Variants in HS3ST4 observed in about 807,000 individuals in gnomAD.
HS3ST4 encodes the protein heparan sulfate glucosamine 3-O-sulfotransferase 4.
In HS3ST4, 17 loss-of-function variants were observed where a neutral mutation model predicts 29.2. That is an observed-to-expected ratio of 0.58 (90% confidence interval 0.40 to 0.87). The LOEUF (loss-of-function observed/expected upper bound fraction) is 0.87, where lower values mean the gene tolerates loss of function less well. Ranked by LOEUF, HS3ST4 falls within the 40% of genes least tolerant of loss-of-function variation. The pLI is 0.00. For missense variants in HS3ST4, 627 were observed against 634.5 expected, an observed-to-expected ratio of 0.99 and a Z score of 0.13; for synonymous variants, 314 against 285.7, an observed-to-expected ratio of 1.10 and a Z score of -1.00.
chr16:25,915,148 G>A (rs1441236717), intron 1 of HS3ST4, among the ~76,000 whole-genome samples: 5 of 152,120 alleles, frequency 3.3e-5, no homozygotes, highest in African/African-American at 1.2e-4. Context: ...ATTGCTGGCA[G>A]TGGAGGACCA....
chr16:25,833,892 G>A (rs2141641028), intron 1 of HS3ST4, among the ~76,000 whole-genome samples: 1 of 152,316 alleles, frequency 6.6e-6, no homozygotes, highest in African/African-American at 2.4e-5. Flanking sequence ...GGATAAGAAT[G>A]TTGTAGGAGA....
At chr16:26,082,208 C>A (rs1898732634) in intron 1 of HS3ST4, among the ~76,000 whole-genome samples, 1 of 152,156 alleles carries the variant, frequency 6.6e-6, no homozygotes, top group South Asian at 2.1e-4. Flanking sequence ...TGTCAATCAC[C>A]TTTACGTTCC....
At chr16:26,117,959 A>G (rs2141807814) in intron 1 of HS3ST4, among the ~76,000 whole-genome samples, 1 of 152,334 alleles carries the variant, frequency 6.6e-6, no homozygotes, top group African/African-American at 2.4e-5. Context: ...TTAATTCCAG[A>G]TCCTGACCAG....
intron 1 of HS3ST4, among the ~76,000 whole-genome samples, chr16:25,789,402 T>TTTTC (rs1966863492): frequency 7.6e-6 from 1 of 131,770 alleles, no homozygotes; most frequent in East Asian, 2.2e-4. Context: ...TTTCTTTGTT[T>TTTTC]TTTCCTTCCT....
At chr16:25,882,763 T>C (rs574635656) in intron 1 of HS3ST4, among the ~76,000 whole-genome samples, 2 of 152,324 alleles carry the variant, frequency 1.3e-5, no homozygotes, top group Non-Finnish European at 1.5e-5. Context: ...GACAGATTCC[T>C]CTTTGTTGAG....
At chr16:25,878,881 G>T (rs1967863355) in intron 1 of HS3ST4, among the ~76,000 whole-genome samples, 1 of 152,092 alleles carries the variant, frequency 6.6e-6, no homozygotes, top group Admixed American at 6.6e-5. Flanking sequence ...CTCTCTTTTG[G>T]TTAAAGTGGT....
chr16:26,053,471 A>G (rs1402438747), intron 1 of HS3ST4, among the ~76,000 whole-genome samples: 1 of 152,234 alleles, frequency 6.6e-6, no homozygotes, highest in African/African-American at 2.4e-5. Context: ...GATGATGTGT[A>G]TAACATCCTG....
intron 1 of HS3ST4, among the ~76,000 whole-genome samples, chr16:25,895,281 T>C (rs934417122): frequency 2.0e-5 from 3 of 152,006 alleles, no homozygotes; most frequent in African/African-American, 4.8e-5. Context: ...GAGGGATAAA[T>C]GGGATATGGC....
At position 25,969,454 on chromosome 16, in the gene HS3ST4, G is replaced by A. The variant is rs543738345; in HGVS notation, c.735-166158G>A. Among the ~76,000 whole-genome samples, 19 of 152,328 alleles carry A rather than the reference G, an allele frequency of 1.2e-4. No homozygotes were observed. The South Asian group carries it at 1.7e-3, about 13-fold the overall frequency. ...CTAGCAATCCGCTTGTACAGAGCTC[G>A]TGGGGGTGGAGGCACAGTCTGAAGT... is the stretch of plus-strand genomic sequence containing the variant. On this transcript the variant is annotated intron_variant, in intron 1 of 1. Transcript: ENST00000331351.
rs759713806 is a variant in HS3ST4 at position 26,070,955 on chromosome 16, G to A, written c.735-64657G>A. On this transcript the variant is annotated intron_variant, in intron 1 of 1. Transcript: ENST00000331351. ...AAGCATTTCAGGAAATGCTCCTCTG[G>A]GGAGACATTCTTCATTAAAGCCTCC... is the stretch of plus-strand genomic sequence containing the variant. Among the ~76,000 whole-genome samples, 196 of 152,252 alleles carry A rather than the reference G, an allele frequency of 1.3e-3. 1 individual carries two copies. Among genetic ancestry groups the A allele is most frequent in the Non-Finnish European group, 9.7e-4 (66 of 68,018 alleles).
At position 25,692,468 on chromosome 16, in the gene HS3ST4, G is replaced by A. The variant is rs1276568326; in HGVS notation, c.51G>A (p.Leu17=). 1 of 1,361,270 alleles carries A rather than the reference G, an allele frequency of 7.3e-7. No individual in the cohort carries two copies. The highest frequency in any genetic ancestry group is 1.5e-5 in the South Asian group (1 of 65,332). 84.3% of individuals were successfully genotyped at this position (1,361,270 alleles called of 1,614,324 possible). A position where few individuals can be genotyped will look rare whatever the true frequency, so the allele number is the denominator to read the frequency against. The change falls in exon 1 of 2, where the codon CTG becomes CTA. Residue 17 remains leucine, a synonymous_variant. Coordinates refer to ENST00000331351, the MANE Select transcript of HS3ST4 (RefSeq NM_006040.3). ...PPPPPPPPPP[L]AAPPPPGASA... ...CGCCTCCGCCTCCGCCTCCACCTCT[G>A]GCCGCGCCGCCGCCGCCCGGCGCCT...
chr16:25,880,913 G>C (rs115303382), intron 1 of HS3ST4, among the ~76,000 whole-genome samples: 1 of 152,170 alleles, frequency 6.6e-6, no homozygotes, highest in African/African-American at 2.4e-5. Context: ...GTGGGAGGAT[G>C]TATTTGACAG....
chr16:25,710,808 C>CTTTTTTTTTTT (rs34759495), intron 1 of HS3ST4, among the ~76,000 whole-genome samples: 1 of 48,522 alleles, frequency 2.1e-5, no homozygotes, highest in Non-Finnish European at 3.4e-5. Flanking sequence ...GCATATTATC[C>CTTTTTTTTTTT]TTTTTTTTTT....
At chr16:26,056,898 A>G (rs533678642) in intron 1 of HS3ST4, among the ~76,000 whole-genome samples, 1 of 152,360 alleles carries the variant, frequency 6.6e-6, no homozygotes, top group Non-Finnish European at 1.5e-5. Context: ...ATACCTATTT[A>G]TAATTGTACA....
At chr16:25,976,210 ATTACAAGTG>A (rs1439679062) in intron 1 of HS3ST4, among the ~76,000 whole-genome samples, 8 of 152,196 alleles carry the variant, frequency 5.3e-5, no homozygotes, top group African/African-American at 1.9e-4. Context: ...AATTTCTTTT[ATTACAAGTG>A]TCTCATATTC....
At chr16:25,831,970 G>A (rs933984140) in intron 1 of HS3ST4, among the ~76,000 whole-genome samples, 5 of 152,080 alleles carry the variant, frequency 3.3e-5, no homozygotes, top group African/African-American at 1.2e-4. Context: ...GCTGTGTGTG[G>A]TGGTGCATGT....
chr16:25,842,036 C>A (rs971412264), intron 1 of HS3ST4, among the ~76,000 whole-genome samples: 14 of 152,224 alleles, frequency 9.2e-5, no homozygotes, highest in Admixed American at 9.2e-4. Context: ...CTACAAAAAA[C>A]CATATTTGCA....
chr16:25,969,930 G>A (rs902919364), intron 1 of HS3ST4, among the ~76,000 whole-genome samples: 3 of 152,196 alleles, frequency 2.0e-5, no homozygotes, highest in Non-Finnish European at 4.4e-5. Flanking sequence ...GGCTTTCCCA[G>A]GTACAAAGCT....
chr16:25,741,130 T>C (rs951334813), intron 1 of HS3ST4, among the ~76,000 whole-genome samples: 1 of 152,118 alleles, frequency 6.6e-6, no homozygotes, highest in Non-Finnish European at 1.5e-5. Flanking sequence ...TTCCTTCCCA[T>C]GCAGGACTTT....
Sources: allele counts gnomAD v4.1 joint callset (sites outside exome capture counted in the v4.1 genomes callset), GRCh38; gene constraint gnomAD v4.1.1; transcripts MANE v1.5; gene names NCBI Gene and HGNC (gene_info 2026-07-23, HGNC 2026-07-21).